CREB5: variants seen among roughly 807,000 people sequenced by gnomAD.
The protein encoded by CREB5 is cAMP responsive element binding protein 5.
CREB5 carries 19 observed loss-of-function variants against 57.1 expected under a neutral mutation model. That is an observed-to-expected ratio of 0.33 (90% CI 0.23 to 0.49). CREB5 has a LOEUF of 0.49. Among genes scored for constraint, CREB5 ranks in the 20% least tolerant of loss-of-function variants. The probability of loss-of-function intolerance (pLI) is 0.99; values close to 1 mark genes in which losing one functional copy is unlikely to be tolerated. For missense variants in CREB5, 579 were observed against 671.6 expected, an observed-to-expected ratio of 0.86 and a Z score of 1.52; for synonymous variants, 238 against 238.3, an observed-to-expected ratio of 1.00 and a Z score of 0.01.
At chr7:28,349,453 C>A (rs982305736) in intron 1 of CREB5, among the ~76,000 whole-genome samples, 2 of 151,602 alleles carry the variant, frequency 1.3e-5, no homozygotes, top group Non-Finnish European at 1.5e-5. Flanking sequence ...ATCTAGTATC[C>A]CGTTGTGGTG....
At chr7:28,354,919 G>A (rs1351438794) in intron 1 of CREB5, among the ~76,000 whole-genome samples, 1 of 152,190 alleles carries the variant, frequency 6.6e-6, no homozygotes, top group African/African-American at 2.4e-5. Flanking sequence ...CCTGCATGGA[G>A]CAAAAGGATG....
At chr7:28,753,934 G>A (rs961748668) in intron 7 of CREB5, among the ~76,000 whole-genome samples, 6 of 150,238 alleles carry the variant, frequency 4.0e-5, no homozygotes, top group Admixed American at 1.3e-4. Context: ...AAAAGAAGAC[G>A]ATCTTTTTTA....
chr7:28,579,420 A>G (rs17156863), intron 5 of CREB5, among the ~76,000 whole-genome samples: 33,653 of 152,070 alleles, frequency 0.22, 4,155 homozygotes, highest in East Asian at 0.48. Context: ...GGTACCAGAC[A>G]CATTTCAAGG....
chr7:28,742,504 T>C lies in CREB5; in HGVS notation c.702+18172T>C, dbSNP rs564318324. ...TGGCGTGAACCTGGGAGGCGGAGCT[T>C]GCAGTGAGCCGAGATGGCGCCACTG... is the stretch of plus-strand genomic sequence containing the variant. On this transcript the variant is annotated intron_variant, in intron 7 of 10. Coordinates refer to ENST00000357727, the MANE Select transcript of CREB5 (RefSeq NM_182898.4). 2.8e-3 allele frequency among the ~76,000 whole-genome samples: 420 copies of C among 151,858 alleles called. 1 individual carries two copies. Among genetic ancestry groups the C allele is most frequent in the African/African-American group, 9.9e-3 (412 of 41,424 alleles).
At chr7:28,621,873 G>A (rs976990129) in intron 5 of CREB5, among the ~76,000 whole-genome samples, 1 of 152,160 alleles carries the variant, frequency 6.6e-6, no homozygotes, top group South Asian at 2.1e-4. Context: ...CTGATTTATT[G>A]TTTTAATTGA....
At chr7:28,326,196 TCTATCTATCTATCTAC>T (rs1205266186) in intron 1 of CREB5, among the ~76,000 whole-genome samples, 2,508 of 144,694 alleles carry the variant, frequency 0.017, 28 homozygotes, top group Middle Eastern at 0.053. Context: ...TATCTATCTA[TCTATCTATCTATCTAC>T]CTATCTATCT....
chr7:28,673,058 G>A (rs1800130076), intron 5 of CREB5, among the ~76,000 whole-genome samples: 1 of 152,116 alleles, frequency 6.6e-6, no homozygotes, highest in Non-Finnish European at 1.5e-5. Flanking sequence ...TCTGGGGAGG[G>A]AAGGATTGAT....
intron 7 of CREB5, among the ~76,000 whole-genome samples, chr7:28,774,486 T>G (rs1305314129): frequency 6.6e-6 from 1 of 152,244 alleles, no homozygotes; most frequent in Non-Finnish European, 1.5e-5. Flanking sequence ...CCCAGAATCC[T>G]GCATTTACAG....
chr7:28,334,118 T>C (rs1785768270), intron 1 of CREB5, among the ~76,000 whole-genome samples: 2 of 152,138 alleles, frequency 1.3e-5, no homozygotes, highest in African/African-American at 4.8e-5. Context: ...GTAGTTGTGA[T>C]TTGCATTTCT....
At chr7:28,329,213 T>C (rs17156597) in intron 1 of CREB5, among the ~76,000 whole-genome samples, 4,628 of 152,312 alleles carry the variant, frequency 0.03, 161 homozygotes, top group African/African-American at 0.087. Flanking sequence ...TTCTATCTCA[T>C]GGAACCATGA....
At chr7:28,600,833 G>A (rs1233623063) in intron 5 of CREB5, among the ~76,000 whole-genome samples, 3 of 152,136 alleles carry the variant, frequency 2.0e-5, no homozygotes, top group Admixed American at 1.3e-4. Flanking sequence ...TATTCCTAGA[G>A]GAGTTGTGGG....
chr7:28,598,783 G>C (rs899465396), intron 5 of CREB5, among the ~76,000 whole-genome samples: 2 of 152,066 alleles, frequency 1.3e-5, no homozygotes, highest in Non-Finnish European at 2.9e-5. Flanking sequence ...AGGTAGAGCT[G>C]GTAACTTTTC....
intron 1 of CREB5, among the ~76,000 whole-genome samples, chr7:28,443,043 A>C (rs1789269618): frequency 6.6e-6 from 1 of 152,176 alleles, no homozygotes; most frequent in Non-Finnish European, 1.5e-5. Context: ...ACAACTCTAT[A>C]AGGTAAAGTC....
intron 1 of CREB5, among the ~76,000 whole-genome samples, chr7:28,433,108 G>A (rs1168640662): frequency 6.6e-6 from 1 of 151,968 alleles, no homozygotes; most frequent in Admixed American, 6.6e-5. Flanking sequence ...TTTTTTTCCT[G>A]GTAATAAATA....
At chr7:28,418,604 A>C (rs1287492852) in intron 1 of CREB5, among the ~76,000 whole-genome samples, 2 of 152,176 alleles carry the variant, frequency 1.3e-5, no homozygotes, top group Admixed American at 6.5e-5. Context: ...ATGACTATAA[A>C]CTAGTTTTAA....
intron 7 of CREB5, among the ~76,000 whole-genome samples, chr7:28,763,190 A>G (rs1189593729): frequency 6.6e-6 from 1 of 152,178 alleles, no homozygotes; most frequent in Non-Finnish European, 1.5e-5. Context: ...CTTTAATATA[A>G]AAACATGCAA....
intron 1 of CREB5, among the ~76,000 whole-genome samples, chr7:28,317,602 A>T (rs564941690): frequency 6.6e-6 from 1 of 152,310 alleles, no homozygotes; most frequent in East Asian, 1.9e-4. Context: ...CACAATCTAC[A>T]ATTATGTAAT....
At chr7:28,503,887 A>G (rs749962829) in intron 3 of CREB5, among the ~76,000 whole-genome samples, 8 of 151,950 alleles carry the variant, frequency 5.3e-5, no homozygotes, top group Non-Finnish European at 1.0e-4. Flanking sequence ...CTTCCCTCCC[A>G]CCCCCAGAGC....
In CREB5 at chr7:28,724,417, T is replaced by G. The variant is rs1261588677; in HGVS notation, c.702+85T>G. On this transcript the variant is annotated intron_variant, in intron 7 of 10. Coordinates refer to ENST00000357727, the MANE Select transcript of CREB5 (RefSeq NM_182898.4). ...TCTGACTCCAAAACCTTAGTTCAGCTAGGTAGAGGGCTCCATCTTTGTTTT... is the reference window on the plus strand; with the variant it reads ...TCTGACTCCAAAACCTTAGTTCAGCGAGGTAGAGGGCTCCATCTTTGTTTT... 5.4e-6 allele frequency: 6 copies of G among 1,105,592 alleles called. No individual in the cohort carries two copies. The East Asian group carries it at 1.5e-4, about 28-fold the overall frequency. The allele number at this position is 1,105,592 out of a possible 1,614,324, so 68.5% of individuals were successfully genotyped here. A position where few individuals can be genotyped will look rare whatever the true frequency, so the allele number is the denominator to read the frequency against.
Sources: allele counts gnomAD v4.1 joint callset (sites outside exome capture counted in the v4.1 genomes callset), GRCh38; gene constraint gnomAD v4.1.1; transcripts MANE v1.5; gene names NCBI Gene and HGNC (gene_info 2026-07-23, HGNC 2026-07-21).